Variants in ADRA1A observed in about 807,000 individuals in gnomAD.
ADRA1A encodes the protein alpha-1A adrenergic receptor.
ADRA1A carries 31 observed loss-of-function variants against 29.6 expected under a neutral mutation model. That is an observed-to-expected ratio of 1.05 (90% confidence interval 0.79 to 1.41). The LOEUF is 1.41. Among genes scored for constraint, ADRA1A ranks in the 40% most tolerant of loss-of-function variants. The probability of loss-of-function intolerance (pLI) is 0.00; values close to 1 mark genes in which losing one functional copy is unlikely to be tolerated. For synonymous variants in ADRA1A, 311 were observed against 254.3 expected (o/e 1.22, Z -2.12); for missense variants, 619 against 601.1 (o/e 1.03, Z -0.31).
chr8:26,764,449 G>C (rs536768937), downstream of ADRA1A, among the ~76,000 whole-genome samples: 7 of 152,336 alleles, frequency 4.6e-5, no homozygotes, highest in Admixed American at 1.3e-4. Context: ...GCAGAGATAA[G>C]GCAGGAGAGA....
chr8:26,832,270 T>G (rs993842641), intron 2 of ADRA1A, among the ~76,000 whole-genome samples: 1 of 152,170 alleles, frequency 6.6e-6, no homozygotes, highest in African/African-American at 2.4e-5. Flanking sequence ...CCTGAGAAAG[T>G]GACCTGGCAA....
downstream of ADRA1A, among the ~76,000 whole-genome samples, chr8:26,754,120 T>C (rs934588589): frequency 1.3e-5 from 2 of 152,170 alleles, no homozygotes; most frequent in African/African-American, 4.8e-5. Context: ...AAAAATGGCG[T>C]GTAGAAAATT....
At chr8:26,813,880 T>C (rs888252323) in intron 2 of ADRA1A, among the ~76,000 whole-genome samples, 1 of 152,202 alleles carries the variant, frequency 6.6e-6, no homozygotes, top group African/African-American at 2.4e-5. Flanking sequence ...AGGATGATGT[T>C]GACAGCTAAC....
chr8:26,865,076 A>T lies in ADRA1A; in HGVS notation c.-107T>A, dbSNP rs1260259128. 6.7e-6 allele frequency: 10 copies of T among 1,503,370 alleles called. No homozygotes were observed. The highest frequency in any genetic ancestry group is 2.3e-5 in the East Asian group (1 of 44,080). The allele number at this position is 1,503,370 out of a possible 1,614,324, so 93.1% of individuals were successfully genotyped here. ...GAATCAAAAGGTCTCGGCTGGAGGG[A>T]GCCCTGCCAGGTGGGTTTGGCTGGG... On this transcript the variant is annotated 5_prime_UTR_variant, in exon 2 of 3. Transcript: ENST00000380573. The surrounding 1 kb of genome is among the most constrained non-coding windows in gnomAD (Gnocchi z 7.6).
At chr8:26,777,125 A>G (rs1432043660) in intron 2 of ADRA1A, among the ~76,000 whole-genome samples, 1 of 152,196 alleles carries the variant, frequency 6.6e-6, no homozygotes, top group Non-Finnish European at 1.5e-5. Context: ...TTTGTGCTGA[A>G]CTACTTTGGC....
intron 2 of ADRA1A, among the ~76,000 whole-genome samples, chr8:26,788,719 G>C (rs547011832): frequency 2.8e-4 from 43 of 152,060 alleles, no homozygotes; most frequent in Non-Finnish European, 5.9e-4. Flanking sequence ...CAGCCAATAA[G>C]AGTGAAGCTG....
intron 2 of ADRA1A, among the ~76,000 whole-genome samples, chr8:26,771,297 G>C (rs990426782): frequency 2.0e-5 from 3 of 152,198 alleles, no homozygotes; most frequent in African/African-American, 7.2e-5. Flanking sequence ...TCCCAAATGT[G>C]TGTCTTTGCT....
downstream of ADRA1A, among the ~76,000 whole-genome samples, chr8:26,763,959 T>C (rs1463766484): frequency 6.6e-6 from 1 of 152,194 alleles, no homozygotes; most frequent in Non-Finnish European, 1.5e-5. This position sits in a 1 kb window ranked among gnomAD's most constrained non-coding sequence, Gnocchi z 4.5. Flanking sequence ...TAGATTTTTA[T>C]TTTTTGGTTA....
At chr8:26,761,872 C>G (rs1034237169), downstream of ADRA1A, among the ~76,000 whole-genome samples, 1 of 152,166 alleles carries the variant, frequency 6.6e-6, no homozygotes, top group African/African-American at 2.4e-5. Flanking sequence ...GTTCCAGTAG[C>G]AGATGGGCTG....
chr8:26,772,404 C>T (rs985539995), intron 2 of ADRA1A, among the ~76,000 whole-genome samples: 2 of 152,184 alleles, frequency 1.3e-5, no homozygotes, highest in African/African-American at 4.8e-5. Flanking sequence ...CTTCCACCTC[C>T]TTTCTTTTCT....
downstream of ADRA1A, among the ~76,000 whole-genome samples, chr8:26,766,580 T>C (rs866802364): frequency 6.6e-6 from 1 of 152,152 alleles, no homozygotes; most frequent in Non-Finnish European, 1.5e-5. Context: ...AAACAGAACA[T>C]TAAAAAGTTT....
At chr8:26,804,373 G>A (rs559423690) in intron 2 of ADRA1A, among the ~76,000 whole-genome samples, 8 of 152,006 alleles carry the variant, frequency 5.3e-5, no homozygotes, top group African/African-American at 1.2e-4. Context: ...AAATTTCATC[G>A]ATATGTGAAA....
chr8:26,767,046 A>G (rs1433528555), downstream of ADRA1A, among the ~76,000 whole-genome samples: 1 of 152,196 alleles, frequency 6.6e-6, no homozygotes, highest in Non-Finnish European at 1.5e-5. Flanking sequence ...AATCCTTGAC[A>G]TAATCTGGGG....
chr8:26,858,622 G>A (rs958118209), intron 2 of ADRA1A, among the ~76,000 whole-genome samples: 4 of 152,222 alleles, frequency 2.6e-5, no homozygotes, highest in Non-Finnish European at 5.9e-5. Context: ...AATCAACAAA[G>A]ATGATTCATA....
exon 3 of ADRA1A, chr8:26,756,484 A>AG: frequency 6.7e-7 from 1 of 1,499,608 alleles, no homozygotes; most frequent in Non-Finnish European, 8.9e-7. Context: ...TTTACAAAAA[A>AG]TCGAGCTATT....
In ADRA1A at chr8:26,805,145, C is replaced by T. The variant is rs1808877130; in HGVS notation, c.884-34479G>A. ...CTAGACTAGGAATCAAATCCTAAAA[C>T]GTCAGTTATATTGTGTCCCACTGTG... is the stretch of plus-strand genomic sequence containing the variant. On this transcript the variant is annotated intron_variant, in intron 2 of 2. Coordinates refer to ENST00000380573, the MANE Select transcript of ADRA1A (RefSeq NM_000680.4). The surrounding 1 kb of genome is among the most constrained non-coding windows in gnomAD (Gnocchi z 4.8). 1.3e-5 allele frequency among the ~76,000 whole-genome samples: 2 copies of T among 152,192 alleles called. No individual in the cohort carries two copies. Among genetic ancestry groups the T allele is most frequent in the African/African-American group, 2.4e-5 (1 of 41,452 alleles).
rs930392535 is a variant in ADRA1A at position 26,841,802 on chromosome 8, T to C, written c.883+22285A>G. On this transcript the variant is annotated intron_variant, in intron 2 of 2. Transcript: ENST00000380573. The surrounding 1 kb of genome is among the most constrained non-coding windows in gnomAD (Gnocchi z 4.4). ...GACCTCAGATTACTAAACGCTATTT[T>C]TTTTCTCCTTTTCTTTCCCCTTGAC... Among the ~76,000 whole-genome samples the C allele has an allele frequency of 2.6e-5, 4 of 152,206 alleles. No homozygotes were observed. Among genetic ancestry groups the C allele is most frequent in the African/African-American group, 9.7e-5 (4 of 41,448 alleles).
chr8:26,769,367 T>A lies in ADRA1A; in HGVS notation c.*782A>T. On this transcript the variant is annotated 3_prime_UTR_variant, in exon 3 of 3. Transcript: ENST00000380573. The stretch of plus-strand genomic sequence containing the variant: ...TGATCTTGGAACTGTTTAATGGATT[T>A]TCTCTCTAGTAGTTAAATTGAAAGA... 1.0e-6 allele frequency: 1 copy of A among 985,446 alleles called. No homozygotes were observed. The highest frequency in any genetic ancestry group is 1.2e-6 in the Non-Finnish European group (1 of 829,934). The allele number at this position is 985,446 out of a possible 1,614,324, so 61.0% of individuals were successfully genotyped here.
chr8:26,777,592 T>C (rs1806641882), intron 2 of ADRA1A, among the ~76,000 whole-genome samples: 2 of 152,254 alleles, frequency 1.3e-5, no homozygotes, highest in Non-Finnish European at 2.9e-5. Flanking sequence ...ATTGTACAGC[T>C]CTCCATTCAT....
Sources: gnomAD v4.1 joint callset for allele counts (sites outside exome capture counted in the v4.1 genomes callset) on GRCh38, gnomAD v4.1.1 for gene constraint, Gnocchi (gnomAD v3.1) non-coding constraint, MANE v1.5 for transcripts, NCBI Gene and HGNC (gene_info 2026-07-23, HGNC 2026-07-21) for gene names.